The following SBNO1 variants were observed in gnomAD, a reference collection of about 807,000 sequenced individuals.
SBNO1 encodes protein strawberry notch homolog 1.
A neutral mutation model predicts 173.6 loss-of-function variants in SBNO1; 23 were observed. The ratio of observed to expected loss-of-function variants is 0.13; its 90% CI spans 0.10 to 0.19. The LOEUF is 0.19. Among genes scored for constraint, SBNO1 ranks in the 10% least tolerant of loss-of-function variants. The pLI, the probability that SBNO1 is intolerant of heterozygous loss-of-function variation, is 1.00. For missense variants in SBNO1, 1,238 were observed against 1,671.2 expected (o/e 0.74, Z 4.52); for synonymous variants, 632 against 571.5 (o/e 1.11, Z -1.51).
chr12:123,319,933 G>C lies in SBNO1; in HGVS notation c.2766C>G (p.Ile922Met). 6.2e-7 allele frequency: 1 copy of C among 1,613,802 alleles called. No individual in the cohort carries two copies. Among genetic ancestry groups the C allele is most frequent in the Non-Finnish European group, 8.5e-7 (1 of 1,179,816 alleles). The change falls in exon 20 of 32, where the codon ATC becomes ATG. Residue 922 changes from isoleucine (I) to methionine (M), a missense_variant. Physicochemically the swap from Ile to Met is conservative, Grantham distance 10. Coordinates refer to ENST00000602398, the MANE Select transcript of SBNO1 (RefSeq NM_001167856.3). ...CATCCATAAATCGTTGTTTTTCTGT[G>C]ATGTTTAGTATTTCCACAGGCACAT... The part of the protein sequence containing the change: ...ELDVPVEILN[I>M]TEKQRFMDGD...
rs1401626960 is a variant in SBNO1 at position 123,291,949 on chromosome 12, C to CAG, written c.*3957_*3958dup. ...AAAAAATGCTAGCGAGCTTGAGTTG[C>CAG]AGGTATTTAGGTGTGTTTCTGTCAC... On this transcript the variant is annotated 3_prime_UTR_variant, in exon 32 of 32. Transcript: ENST00000602398. 6.6e-6 allele frequency: 1 copy of CAG among 150,808 alleles called. No individual in the cohort carries two copies. The highest frequency in any genetic ancestry group is 2.4e-5 in the African/African-American group (1 of 41,052). The allele number at this position is 150,808 out of a possible 1,614,324, so 9.3% of individuals were successfully genotyped here.
chr12:123,304,467 C>G, intron 29 of SBNO1, 115 bp downstream of exon 29: 1 of 745,996 alleles, frequency 1.3e-6, no homozygotes, highest in Non-Finnish European at 2.2e-6. Context: ...AACTCCTGAC[C>G]TCAGGTGATC....
intron 31 of SBNO1, among the ~76,000 whole-genome samples, chr12:123,297,236 C>T (rs2048629212): frequency 6.8e-6 from 1 of 146,428 alleles, no homozygotes; most frequent in African/African-American, 2.5e-5. Flanking sequence ...GTGGTGCATG[C>T]CTGTAATCCC....
chr12:123,315,768 A>G (rs947298458), intron 21 of SBNO1, 108 bp from the exon 22 acceptor site: 6 of 645,718 alleles, frequency 9.3e-6, no homozygotes, highest in African/African-American at 5.5e-5. Flanking sequence ...GGAAACCACT[A>G]AACAATAAAA....
chr12:123,319,462 T>TA (rs1203769221), intron 20 of SBNO1, among the ~76,000 whole-genome samples: 1 of 151,606 alleles, frequency 6.6e-6, no homozygotes, highest in Non-Finnish European at 1.5e-5. Context: ...GGCTGGAGTG[T>TA]AGTGGTGCGA....
intron 28 of SBNO1, among the ~76,000 whole-genome samples, chr12:123,305,165 T>C (rs1221996572): frequency 6.6e-6 from 1 of 152,244 alleles, no homozygotes; most frequent in Non-Finnish European, 1.5e-5. Context: ...TTTTTAAACA[T>C]TTCTCAGTAA....
At chr12:123,314,701 G>T (rs1040978830) in intron 23 of SBNO1, among the ~76,000 whole-genome samples, 2 of 151,558 alleles carry the variant, frequency 1.3e-5, no homozygotes, top group Admixed American at 6.6e-5. Flanking sequence ...GCAGTGGCAT[G>T]ATCTCGGCTC....
At chr12:123,341,477 T>C (rs1271338563) in intron 4 of SBNO1, among the ~76,000 whole-genome samples, 1 of 152,174 alleles carries the variant, frequency 6.6e-6, no homozygotes, top group East Asian at 1.9e-4. Flanking sequence ...CCCAGAAGTT[T>C]ACATATTTCA....
intron 1 of SBNO1, among the ~76,000 whole-genome samples, chr12:123,359,335 A>G (rs1237687081): frequency 6.6e-6 from 1 of 151,714 alleles, no homozygotes; most frequent in Non-Finnish European, 1.5e-5. Flanking sequence ...ACTTGAAGCC[A>G]GGAGTTCGAG....
Position 123,334,197 on chromosome 12 carries a change from A to T in SBNO1, c.765T>A (p.Arg255=), listed in dbSNP as rs552342624. 14 of 1,574,246 alleles carry T rather than the reference A, an allele frequency of 8.9e-6. No individual in the cohort carries two copies. In the African/African-American group the frequency reaches 1.8e-4, roughly 20 times the overall value. Residue 255 remains arginine, a synonymous_variant, in exon 7 of 32, where the codon CGT becomes CGA. Coordinates refer to ENST00000602398, the MANE Select transcript of SBNO1 (RefSeq NM_001167856.3). ...YMPIKLKIGL[R]HPDAVVETSS... is the part of the protein sequence containing the mutation. ...TGGTTTCCACTACAGCATCTGGATG[A>T]CGTAGGCCAATTTTTACTAAACAAA...
At chr12:123,341,127 T>C (rs977115162) in intron 4 of SBNO1, 39 bp from the exon 5 acceptor site, 2 of 1,201,202 alleles carry the variant, frequency 1.7e-6, no homozygotes, top group African/African-American at 3.1e-5. Flanking sequence ...AGAAGAAAAT[T>C]CTGAACTTAT....
chr12:123,331,358 T>C lies in SBNO1; in HGVS notation c.927A>G (p.Leu309=). 6.2e-7 allele frequency: 1 copy of C among 1,613,786 alleles called. No individual in the cohort carries two copies. Among genetic ancestry groups the C allele is most frequent in the Non-Finnish European group, 8.5e-7 (1 of 1,179,858 alleles). The change falls in exon 8 of 32, where the codon CTA becomes CTG. Residue 309 remains leucine (L), a synonymous_variant. Coordinates refer to ENST00000602398, the MANE Select transcript of SBNO1 (RefSeq NM_001167856.3). ...AGAAGCCAGCACGATCTCCATTAGG[T>C]AGGAAAGTTTCATGTTGCTGAAAAA... ...TYAAQQHETF[L]PNGDRAGFLI...
At chr12:123,311,746 A>ATT (rs1162916089) in intron 24 of SBNO1, among the ~76,000 whole-genome samples, 2 of 135,976 alleles carry the variant, frequency 1.5e-5, no homozygotes, top group East Asian at 4.4e-4. Context: ...ATATATATAT[A>ATT]TATTTTTGCG....
At chr12:123,331,200 G>A in intron 8 of SBNO1, 42 bp downstream of exon 8, 3 of 1,602,272 alleles carry the variant, frequency 1.9e-6, no homozygotes, top group Non-Finnish European at 2.6e-6. Flanking sequence ...CTAACCTCGT[G>A]ATCCGCTGCG....
Position 123,302,914 on chromosome 12 carries a change from A to T in SBNO1, c.3769-14T>A. On this transcript the variant is annotated splice_polypyrimidine_tract_variant and intron_variant, in intron 29 of 31. Transcript: ENST00000602398. ...ATCTGAGACGACCTGTAAAAATGAG[A>T]AGAATTTCATTGAAAACAGTATTGC... 6.3e-7 allele frequency: 1 copy of T among 1,597,958 alleles called. No homozygotes were observed. Among genetic ancestry groups the T allele is most frequent in the Non-Finnish European group, 8.6e-7 (1 of 1,165,560 alleles).
At chr12:123,321,009 A>C in intron 17 of SBNO1, 143 bp from the exon 18 acceptor site, 1 of 618,206 alleles carries the variant, frequency 1.6e-6, no homozygotes. Flanking sequence ...GCGCAATCTC[A>C]GCTTACTGCA....
chr12:123,319,276 T>C (rs565289478), intron 20 of SBNO1, among the ~76,000 whole-genome samples: 2 of 152,168 alleles, frequency 1.3e-5, no homozygotes, highest in South Asian at 2.1e-4. Flanking sequence ...AAACACAGTA[T>C]TTTTATATCA....
At position 123,344,583 on chromosome 12, in the gene SBNO1, C is replaced by T. The variant is rs560088840; in HGVS notation, c.550+675G>A. On this transcript the variant is annotated intron_variant, in intron 4 of 31. Coordinates refer to ENST00000602398, the MANE Select transcript of SBNO1 (RefSeq NM_001167856.3). ...ACAAGCAGGCCGGGCATGGTACTCA[C>T]GCCTGTAATCCCAACAACACTTTGG... Among the ~76,000 whole-genome samples, 12 of 152,280 alleles carry T rather than the reference C, an allele frequency of 7.9e-5. No homozygotes were observed. The East Asian group carries it at 1.7e-3, about 22-fold the overall frequency.
intron 31 of SBNO1, among the ~76,000 whole-genome samples, 171 bp from the exon 32 acceptor site, chr12:123,296,221 C>G (rs1189688413): frequency 2.6e-5 from 4 of 152,224 alleles, no homozygotes; most frequent in African/African-American, 9.6e-5. Context: ...TAGTCTGATT[C>G]TTCCACAGCA....
Sources: allele counts gnomAD v4.1 joint callset (sites outside exome capture counted in the v4.1 genomes callset), GRCh38; gene constraint gnomAD v4.1.1; transcripts MANE v1.5; gene names NCBI Gene and HGNC (gene_info 2026-07-23, HGNC 2026-07-21).